Variants in TRIM50 observed in about 807,000 individuals in gnomAD.
TRIM50 encodes the protein E3 ubiquitin-protein ligase TRIM50.
A neutral mutation model predicts 44.9 loss-of-function variants in TRIM50; 34 were observed. The ratio of observed to expected loss-of-function variants is 0.76; its 90% confidence interval spans 0.58 to 1.01. TRIM50 has a LOEUF of 1.01. Ranked by LOEUF, TRIM50 falls within the 50% of genes least tolerant of loss-of-function variation. The pLI, the probability that TRIM50 is intolerant of heterozygous loss-of-function variation, is 0.00. For missense variants in TRIM50, 633 were observed against 663.7 expected, an observed-to-expected ratio of 0.95 and a Z score of 0.51; for synonymous variants, 307 against 291.1, an observed-to-expected ratio of 1.05 and a Z score of -0.56.
intron 2 of TRIM50, 27 bp from the exon 3 acceptor site, chr7:73,320,269 G>A (rs374581009): frequency 6.2e-6 from 10 of 1,613,858 alleles, no homozygotes; most frequent in Non-Finnish European, 8.5e-6. Flanking sequence ...ATGGCCCCAT[G>A]AGCAGCTGAT....
At position 73,314,586 on chromosome 7, in the gene TRIM50, T is replaced by C. The variant is rs185754559; in HGVS notation, c.875-1076A>G. 3.6e-4 allele frequency: 99 copies of C among 278,176 alleles called. 1 individual carries two copies. Among genetic ancestry groups the C allele is most frequent in the African/African-American group, 2.2e-3 (94 of 43,690 alleles). 17.2% of individuals were successfully genotyped at this position (278,176 alleles called of 1,614,324 possible). A position where few individuals can be genotyped will look rare whatever the true frequency, so the allele number is the denominator to read the frequency against. On this transcript the variant is annotated intron_variant, in intron 6 of 6. Coordinates refer to ENST00000333149, the MANE Select transcript of TRIM50 (RefSeq NM_178125.3). ...CAGCTGGGCCAGGCACAGTGGCTCATGCCTGTCATCTCAGCACTTTGGGAG... is the reference window on the plus strand; with the variant it reads ...CAGCTGGGCCAGGCACAGTGGCTCACGCCTGTCATCTCAGCACTTTGGGAG...
Position 73,318,840 on chromosome 7 carries a change from G to T in TRIM50, c.708C>A (p.Asp236Glu). The change falls in exon 4 of 7, where the codon GAC becomes GAA. Residue 236 changes from aspartate to glutamate, a missense_variant. Transcript: ENST00000333149. ...ECVLEQFGNE[D>E]HHKFIRKFHS... ...CACTCACCCGGATGAACTTGTGGTGGTCCTCATTGCCGAACTGTTCCAGCA... is the reference window on the plus strand; with the variant it reads ...CACTCACCCGGATGAACTTGTGGTGTTCCTCATTGCCGAACTGTTCCAGCA... The T allele has an allele frequency of 3.7e-6, 6 of 1,613,984 alleles. No individual in the cohort carries two copies. The highest frequency in any genetic ancestry group is 5.1e-6 in the Non-Finnish European group (6 of 1,179,868).
chr7:73,322,157 G>A (rs1423394869), intron 2 of TRIM50, among the ~76,000 whole-genome samples: 2 of 152,100 alleles, frequency 1.3e-5, no homozygotes, highest in African/African-American at 4.8e-5. Flanking sequence ...AGACCATCCT[G>A]GCTAACACGG....
chr7:73,320,924 T>A (rs1377544339), intron 2 of TRIM50, among the ~76,000 whole-genome samples: 28 of 151,380 alleles, frequency 1.8e-4, no homozygotes, highest in South Asian at 4.2e-4. Flanking sequence ...CTCGGGAGGC[T>A]GAGGCAGGAG....
In TRIM50 at chr7:73,324,415, C is replaced by G. The variant is rs782694300; in HGVS notation, c.373G>C (p.Val125Leu). Residue 125 changes from valine (V) to leucine (L), a missense_variant, in exon 2 of 7, where the codon GTC becomes CTC. Val to Leu is a conservative substitution (Grantham distance 32, BLOSUM62 1). Transcript: ENST00000333149. The stretch of plus-strand genomic sequence containing the variant: ...TTCATGCGGCTGTAGACGGTGGAGA[C>G]GGGCGTGACCGGGTGGTGTTGGTGG... ...GSHQHHPVTP[V>L]STVYSRMKEE... The G allele has an allele frequency of 1.4e-5, 22 of 1,613,624 alleles. No individual in the cohort carries two copies. The highest frequency in any genetic ancestry group is 6.7e-5 in the Admixed American group (4 of 60,004).
At chr7:73,319,788 A>C (rs1163830374) in intron 3 of TRIM50, among the ~76,000 whole-genome samples, 6 of 152,182 alleles carry the variant, frequency 3.9e-5, no homozygotes, top group East Asian at 1.9e-4. Context: ...TCCACGCCTG[A>C]GCACCCAGGT....
chr7:73,319,518 G>A (rs1554544756), intron 3 of TRIM50, among the ~76,000 whole-genome samples: 2 of 152,208 alleles, frequency 1.3e-5, no homozygotes, highest in Non-Finnish European at 2.9e-5. Context: ...AGGAAAGCAG[G>A]AAGGCCCTAG....
chr7:73,325,014 ATGTGTGTGTGTGTG>A lies in TRIM50; in HGVS notation c.-18-223_-18-210del, dbSNP rs3040867. Among the ~76,000 whole-genome samples, 74 of 142,034 alleles carry A rather than the reference ATGTGTGTGTGTGTG, an allele frequency of 5.2e-4. No homozygotes were observed. The South Asian group carries it at 9.4e-3, about 18-fold the overall frequency. The allele number at this position is 142,034 out of a possible 152,430, so 93.2% of individuals were successfully genotyped here. A position where few individuals can be genotyped will look rare whatever the true frequency, so the allele number is the denominator to read the frequency against. Reference sequence around the variant, plus strand: ...TGAAAAAAACTGGTCCCTTGAAGATATGTGTGTGTGTGTGTGTGTGTGTGTGTGTGTGTGTGTGT... The same window carrying A: ...TGAAAAAAACTGGTCCCTTGAAGATATGTGTGTGTGTGTGTGTGTGTGTGT... On this transcript the variant is annotated intron_variant, in intron 1 of 6. Transcript: ENST00000333149.
chr7:73,323,247 C>A (rs13240602), intron 2 of TRIM50, among the ~76,000 whole-genome samples: 12 of 152,336 alleles, frequency 7.9e-5, no homozygotes, highest in South Asian at 4.1e-4. Flanking sequence ...CTCCAAATCC[C>A]TTCCCGGGTC....
At chr7:73,321,898 G>C (rs562983635) in intron 2 of TRIM50, 1 of 152,186 alleles carries the variant, frequency 6.6e-6, no homozygotes, top group Non-Finnish European at 1.5e-5. Flanking sequence ...TTCCTTCCCC[G>C]TGAGAGGAAC....
chr7:73,319,743 C>T (rs569032949), intron 3 of TRIM50, among the ~76,000 whole-genome samples: 3 of 152,204 alleles, frequency 2.0e-5, no homozygotes, highest in Admixed American at 2.0e-4. Flanking sequence ...CCTCTCACTT[C>T]GGGAGATCAG....
At chr7:73,316,863 T>G in intron 5 of TRIM50, 174 bp from the exon 6 acceptor site, 2 of 943,878 alleles carry the variant, frequency 2.1e-6, no homozygotes, top group South Asian at 3.8e-5. Context: ...ACCCATCTCC[T>G]TCCTAGAAGG....
rs868980181 is a variant in TRIM50, at chr7:73,313,068, G to A, written c.1317C>T (p.Leu439=). 6.3e-7 allele frequency: 1 copy of A among 1,587,340 alleles called. No individual in the cohort carries two copies. The change falls in exon 7 of 7, where the codon CTC becomes CTT. Residue 439 remains leucine (L), a synonymous_variant. Coordinates refer to ENST00000333149, the MANE Select transcript of TRIM50 (RefSeq NM_178125.3). This position sits in a 1 kb window ranked among gnomAD's most constrained non-coding sequence, Gnocchi z 4.9. The stretch of plus-strand genomic sequence containing the variant: ...CCTGGAAGTCGGCCTGGAAGGTGTA[G>A]AGCGGCCGCAGGTCATCGGGGCGGT... ...DADRPDDLRP[L]YTFQADFQGK...
At chr7:73,314,370 G>A (rs1433359998) in intron 6 of TRIM50, 14 of 397,282 alleles carry the variant, frequency 3.5e-5, no homozygotes, top group African/African-American at 1.1e-4. Flanking sequence ...GCCCTGGACC[G>A]CCAAACAGCT....
At chr7:73,321,208 T>C (rs1804487619) in intron 2 of TRIM50, among the ~76,000 whole-genome samples, 1 of 151,968 alleles carries the variant, frequency 6.6e-6, no homozygotes, top group South Asian at 2.1e-4. Flanking sequence ...AGCAGGAACT[T>C]CCCAGGCATA....
rs187852643 is a variant in TRIM50 at position 73,324,604 on chromosome 7, C to G, written c.184G>C (p.Gly62Arg). 1 of 1,614,090 alleles carries G rather than the reference C, an allele frequency of 6.2e-7. No homozygotes were observed. The highest frequency in any genetic ancestry group is 8.5e-7 in the Non-Finnish European group (1 of 1,180,006). The change falls in exon 2 of 7, where the codon GGC becomes CGC. Residue 62 changes from glycine (G) to arginine (R), a missense_variant. Coordinates refer to ENST00000333149, the MANE Select transcript of TRIM50 (RefSeq NM_178125.3). ...GAGACGTTGGGCAGGGAGCTGCTGC[C>G]GTCCACCGCCTGCCGGCACACGGGG... ...RCPVCRQAVD[G>R]SSSLPNVSLA...
chr7:73,313,315 C>T lies in TRIM50; in HGVS notation c.1070G>A (p.Ser357Asn), dbSNP rs1442978984. Reference protein sequence around the residue: ...GRHYWEVVVGSKSDWRLGVIK... With the variant: ...GRHYWEVVVGNKSDWRLGVIK... ...GACCCCCAGGCGCCAGTCGCTCTTG[C>T]TGCCCACCACCACCTCCCAGTAGTG... Residue 357 changes from serine to asparagine, a missense_variant, in exon 7 of 7, where the codon AGC becomes AAC. Ser to Asn is a conservative substitution (Grantham distance 46). Coordinates refer to ENST00000333149, the MANE Select transcript of TRIM50 (RefSeq NM_178125.3). This position sits in a 1 kb window ranked among gnomAD's most constrained non-coding sequence, Gnocchi z 4.9. The T allele has an allele frequency of 1.1e-5, 18 of 1,605,834 alleles. No individual in the cohort carries two copies. Among genetic ancestry groups the T allele is most frequent in the Non-Finnish European group, 1.5e-5 (18 of 1,177,164 alleles).
In TRIM50 at chr7:73,313,436, G is replaced by A. The variant is rs1804281899; in HGVS notation, c.949C>T (p.Gln317Ter). ...LELSKGNTVV[Q>*]CGLLAQRRAS... The stretch of plus-strand genomic sequence containing the variant: ...CGCCGCTGGGCCAGAAGCCCGCACT[G>A]CACCACCGTGTTGCCCTTGGAGAGC... The change falls in exon 7 of 7, where the codon CAG (glutamine) becomes TAG (stop). Residue 317 changes from glutamine (Q) to a stop codon, truncating the protein, a stop_gained. Coordinates refer to ENST00000333149, the MANE Select transcript of TRIM50 (RefSeq NM_178125.3). LOFTEE classifies it high-confidence loss of function. The surrounding 1 kb of genome is among the most constrained non-coding windows in gnomAD (Gnocchi z 4.9). 7.7e-6 allele frequency: 12 copies of A among 1,562,156 alleles called. No homozygotes were observed. Among genetic ancestry groups the A allele is most frequent in the Non-Finnish European group, 1.0e-5 (12 of 1,159,408 alleles).
At chr7:73,315,022 G>T in intron 6 of TRIM50, 1 of 360,876 alleles carries the variant, frequency 2.8e-6, no homozygotes, top group Non-Finnish European at 5.3e-6. Flanking sequence ...CACCACTGTC[G>T]CCTTCACACA....
Sources: allele counts gnomAD v4.1 joint callset (sites outside exome capture counted in the v4.1 genomes callset), GRCh38; gene constraint gnomAD v4.1.1; non-coding constraint Gnocchi (gnomAD v3.1); transcripts MANE v1.5; gene names NCBI Gene and HGNC (gene_info 2026-07-23, HGNC 2026-07-21).